TGFA: variants seen among roughly 807,000 people sequenced by gnomAD.
TGFA encodes transforming growth factor alpha.
In TGFA, 12 loss-of-function variants were observed where a neutral mutation model predicts 21.7. The observed-to-expected ratio is 0.55, with a 90% confidence interval of 0.35 to 0.90. The LOEUF is 0.90. Among genes scored for constraint, TGFA ranks in the 40% least tolerant of loss-of-function variants. The pLI is 0.01. For synonymous variants in TGFA, 79 were observed against 88.1 expected, an observed-to-expected ratio of 0.90 and a Z score of 0.58; for missense variants, 178 against 210.8, an observed-to-expected ratio of 0.84 and a Z score of 0.96.
At chr2:70,458,646 TCTC>T (rs1670315639) in intron 3 of TGFA, among the ~76,000 whole-genome samples, 1 of 152,146 alleles carries the variant, frequency 6.6e-6, no homozygotes, top group Non-Finnish European at 1.5e-5. Flanking sequence ...CATTCCTCAC[TCTC>T]CTCCTCAGGC....
intron 1 of TGFA, among the ~76,000 whole-genome samples, chr2:70,544,848 G>A (rs985377153): frequency 1.4e-4 from 22 of 152,140 alleles, no homozygotes; most frequent in East Asian, 9.6e-4. Flanking sequence ...AGACAGAGTC[G>A]AATGATGGTT....
intron 1 of TGFA, among the ~76,000 whole-genome samples, chr2:70,544,309 A>T (rs1673226386): frequency 1.3e-5 from 2 of 151,598 alleles, no homozygotes; most frequent in Admixed American, 6.6e-5. Context: ...TAATAATTTA[A>T]TATTTAATAA....
intron 3 of TGFA, among the ~76,000 whole-genome samples, chr2:70,460,862 C>G (rs567056829): frequency 5.9e-5 from 9 of 152,156 alleles, no homozygotes; most frequent in Non-Finnish European, 1.3e-4. Flanking sequence ...AATAGAACTT[C>G]CCGTGATCAT....
chr2:70,543,267 C>T (rs12104919), intron 1 of TGFA, among the ~76,000 whole-genome samples: 1 of 151,378 alleles, frequency 6.6e-6, no homozygotes, highest in African/African-American at 2.4e-5. Flanking sequence ...GTGGCTCATG[C>T]CCGTAATCCC....
chr2:70,482,463 C>T (rs1671154181), intron 2 of TGFA, among the ~76,000 whole-genome samples: 1 of 152,106 alleles, frequency 6.6e-6, no homozygotes, highest in Non-Finnish European at 1.5e-5. Flanking sequence ...CCTCCCATGA[C>T]CTGATTTCTA....
At chr2:70,546,569 G>A (rs1349525393) in intron 1 of TGFA, among the ~76,000 whole-genome samples, 2 of 152,116 alleles carry the variant, frequency 1.3e-5, no homozygotes, top group Non-Finnish European at 2.9e-5. Flanking sequence ...GACCTCCCAG[G>A]CTCCAGTGAT....
rs1199860157 is a variant in TGFA at position 70,449,487 on chromosome 2, G to C, written c.*1372C>G. ...CACTATGTATTTGAAGGGACCCACT[G>C]TTTCTCACAGGCAGGCCCCATGGGT... On this transcript the variant is annotated 3_prime_UTR_variant, in exon 6 of 6. Coordinates refer to ENST00000295400, the MANE Select transcript of TGFA (RefSeq NM_003236.4). 2 of 167,890 alleles carry C rather than the reference G, an allele frequency of 1.2e-5. No homozygotes were observed. Among genetic ancestry groups the C allele is most frequent in the Non-Finnish European group, 2.6e-5 (2 of 75,816 alleles). 10.4% of individuals were successfully genotyped at this position (167,890 alleles called of 1,614,324 possible). A position where few individuals can be genotyped will look rare whatever the true frequency, so the allele number is the denominator to read the frequency against.
intron 1 of TGFA, among the ~76,000 whole-genome samples, chr2:70,539,608 T>C (rs434568): frequency 0.58 from 88,388 of 151,924 alleles, 25,871 homozygotes; most frequent in African/African-American, 0.63. Flanking sequence ...GCACCTGCCA[T>C]TATGCCCAGC....
At chr2:70,484,135 C>T (rs1002607302) in intron 2 of TGFA, among the ~76,000 whole-genome samples, 18 of 152,214 alleles carry the variant, frequency 1.2e-4, no homozygotes, top group African/African-American at 3.6e-4. Context: ...TTCTATAGCA[C>T]ATATAGATAT....
Position 70,521,613 on chromosome 2 carries a change from G to GTTTTTTTTTTTTTTTTTTTTTTTTTTTT in TGFA, c.41-6702_41-6701insAAAAAAAAAAAAAAAAAAAAAAAAAAAA, listed in dbSNP as rs59567780. On this transcript the variant is annotated intron_variant, in intron 1 of 5. Coordinates refer to ENST00000295400, the MANE Select transcript of TGFA (RefSeq NM_003236.4). ...TTGATAGTTTTTTTTGTTGTTGTTT[G>GTTTTTTTTTTTTTTTTTTTTTTTTTTTT]TTTGTTTTTTTTTTTTTTTTTTTTT... Among the ~76,000 whole-genome samples the GTTTTTTTTTTTTTTTTTTTTTTTTTTTT allele has an allele frequency of 2.2e-4, 16 of 74,040 alleles. 1 individual carries two copies. The highest frequency in any genetic ancestry group is 2.8e-4 in the Non-Finnish European group (10 of 35,370). The allele number at this position is 74,040 out of a possible 152,430, so 48.6% of individuals were successfully genotyped here. A position where few individuals can be genotyped will look rare whatever the true frequency, so the allele number is the denominator to read the frequency against.
intron 3 of TGFA, 26 bp from the exon 4 acceptor site, chr2:70,456,514 A>G (rs1351333503): frequency 1.3e-6 from 2 of 1,580,724 alleles, no homozygotes; most frequent in African/African-American, 1.4e-5. Context: ...ACGTCAGTGC[A>G]CTCTCCTGAC....
At chr2:70,474,998 G>GTT (rs1172168860) in intron 2 of TGFA, among the ~76,000 whole-genome samples, 1 of 151,942 alleles carries the variant, frequency 6.6e-6, no homozygotes, top group East Asian at 1.9e-4. Context: ...GTGTGTGTGT[G>GTT]TGTGTGTACT....
chr2:70,491,751 C>A (rs1014689307), intron 2 of TGFA, among the ~76,000 whole-genome samples: 2 of 152,096 alleles, frequency 1.3e-5, no homozygotes, highest in African/African-American at 4.8e-5. Context: ...TGTCCTCTGG[C>A]CCCCTAAGGA....
chr2:70,479,381 G>C (rs1224286661), intron 2 of TGFA, among the ~76,000 whole-genome samples: 1 of 152,194 alleles, frequency 6.6e-6, no homozygotes, highest in Non-Finnish European at 1.5e-5. Context: ...CTTCTGGCTT[G>C]TAGTTGATGA....
At chr2:70,508,642 A>G (rs112278354) in intron 2 of TGFA, among the ~76,000 whole-genome samples, 2,116 of 152,316 alleles carry the variant, frequency 0.014, 55 homozygotes, top group African/African-American at 0.048. Flanking sequence ...TCTATTAATA[A>G]CTAAAACAAG....
chr2:70,451,208 G>A (rs965585051), intron 5 of TGFA, among the ~76,000 whole-genome samples: 1 of 152,212 alleles, frequency 6.6e-6, no homozygotes. Flanking sequence ...GTGGCTTGGT[G>A]GGCAGCCCTA....
intron 1 of TGFA, among the ~76,000 whole-genome samples, chr2:70,515,879 TC>T (rs2103858133): frequency 6.6e-6 from 1 of 152,318 alleles, no homozygotes; most frequent in East Asian, 1.9e-4. Context: ...CCACTGGACT[TC>T]ACCTACAAGA....
chr2:70,514,667 C>A (rs113573721), intron 2 of TGFA, among the ~76,000 whole-genome samples, 192 bp downstream of exon 2: 10 of 152,206 alleles, frequency 6.6e-5, no homozygotes, highest in East Asian at 1.9e-4. Context: ...CAGGAACAGC[C>A]CCCCCTTGGG....
intron 1 of TGFA, among the ~76,000 whole-genome samples, chr2:70,538,398 T>G (rs1373500035): frequency 6.6e-6 from 1 of 152,230 alleles, no homozygotes; most frequent in Non-Finnish European, 1.5e-5. Context: ...ATTCTGCTGA[T>G]GGGTCTGGGT....
Sources: gnomAD v4.1 joint callset for allele counts (sites outside exome capture counted in the v4.1 genomes callset) on GRCh38, gnomAD v4.1.1 for gene constraint, MANE v1.5 for transcripts, NCBI Gene and HGNC (gene_info 2026-07-23, HGNC 2026-07-21) for gene names.